Variants in STXBP4 observed in about 807,000 individuals in gnomAD.
STXBP4 encodes the protein syntaxin-binding protein 4.
In STXBP4, 55 loss-of-function variants were observed where a neutral mutation model predicts 76.1. That is an observed-to-expected ratio of 0.72 (90% CI 0.58 to 0.91). STXBP4 has a LOEUF of 0.91. STXBP4 is among the 40% of genes least tolerant of loss of function. The pLI is 0.00. For missense variants in STXBP4, 618 were observed against 636.9 expected (o/e 0.97, Z 0.32); for synonymous variants, 201 against 220.2 (o/e 0.91, Z 0.77).
Position 55,081,090 on chromosome 17 carries a change from C to T in STXBP4, c.1396C>T (p.Pro466Ser). The T allele has an allele frequency of 1.3e-6, 2 of 1,550,650 alleles. No individual in the cohort carries two copies. The highest frequency in any genetic ancestry group is 1.7e-6 in the Non-Finnish European group (2 of 1,154,692). ...GTTAGCTTCTCAGACTTCCCTCACA[C>T]CACTGGGAAGGAATGGACGTAGCAT... is the stretch of plus-strand genomic sequence containing the variant. ...AVLASQTSLT[P>S]LGRNGRSIPA... The change falls in exon 16 of 18, where the codon CCA (proline) becomes TCA (serine). Residue 466 changes from proline to serine, a missense_variant. Pro to Ser is a moderately conservative substitution (Grantham distance 74). Transcript: ENST00000376352.
At chr17:55,186,895 A>C in the STXBP4 span, among the ~76,000 whole-genome samples, 3 of 152,182 alleles carry the variant, frequency 2.0e-5, no homozygotes, top group Non-Finnish European at 4.4e-5. Flanking sequence ...CCAACAAAAG[A>C]GACAGCAAGC....
chr17:55,179,478 G>A, the STXBP4 span, among the ~76,000 whole-genome samples: 2 of 152,042 alleles, frequency 1.3e-5, no homozygotes, highest in Non-Finnish European at 2.9e-5. Context: ...ATATAAAACT[G>A]AACAAAAATG....
chr17:54,990,527 C>G (rs550751184), intron 3 of STXBP4, among the ~76,000 whole-genome samples: 9 of 152,038 alleles, frequency 5.9e-5, no homozygotes, highest in Non-Finnish European at 1.3e-4. Context: ...TCAGGGCTCC[C>G]CCTGATTCTA....
At chr17:55,010,928 A>C (rs916202821) in intron 8 of STXBP4, among the ~76,000 whole-genome samples, 1 of 152,212 alleles carries the variant, frequency 6.6e-6, no homozygotes, top group Admixed American at 6.5e-5. Flanking sequence ...AGATGACCTT[A>C]GTCATTTAAT....
intron 8 of STXBP4, among the ~76,000 whole-genome samples, chr17:55,011,229 AT>A (rs2078102899): frequency 6.6e-6 from 1 of 151,888 alleles, no homozygotes; most frequent in Non-Finnish European, 1.5e-5. Flanking sequence ...CTTTATTTGC[AT>A]TATTTTTTTT....
chr17:55,091,334 T>C (rs2079411163), intron 16 of STXBP4, among the ~76,000 whole-genome samples: 1 of 152,204 alleles, frequency 6.6e-6, no homozygotes, highest in Non-Finnish European at 1.5e-5. Context: ...ATATTCTCAC[T>C]CAATAATCCC....
chr17:55,054,340 T>A (rs1024806322), intron 12 of STXBP4, among the ~76,000 whole-genome samples: 21 of 152,058 alleles, frequency 1.4e-4, no homozygotes, highest in African/African-American at 4.3e-4. Flanking sequence ...TACAAAAAAA[T>A]TCGCTGGGCA....
At chr17:55,184,173 T>A in the STXBP4 span, among the ~76,000 whole-genome samples, 4 of 152,230 alleles carry the variant, frequency 2.6e-5, no homozygotes, top group Non-Finnish European at 5.9e-5. Context: ...TGTATAACTT[T>A]TATTACTTTT....
chr17:55,191,081 T>C, the STXBP4 span, among the ~76,000 whole-genome samples: 6 of 152,306 alleles, frequency 3.9e-5, no homozygotes, highest in Admixed American at 3.9e-4. Flanking sequence ...TCCAATTTTA[T>C]TGGTTCTTCC....
chr17:55,012,032 G>A (rs1210831789), intron 8 of STXBP4, among the ~76,000 whole-genome samples: 1 of 152,182 alleles, frequency 6.6e-6, no homozygotes, highest in African/African-American at 2.4e-5. Context: ...GTAGATCTTA[G>A]TCATGGACTG....
chr17:55,144,826 T>C (rs1049198082), intron 17 of STXBP4, among the ~76,000 whole-genome samples: 1 of 152,240 alleles, frequency 6.6e-6, no homozygotes, highest in Non-Finnish European at 1.5e-5. Flanking sequence ...AATGACACTG[T>C]CTACACAAAA....
chr17:55,049,619 A>G (rs2078833871), intron 12 of STXBP4, among the ~76,000 whole-genome samples: 1 of 151,986 alleles, frequency 6.6e-6, no homozygotes, highest in Admixed American at 6.6e-5. Context: ...CTTCATAAAC[A>G]CCAAAAAGAA....
intron 16 of STXBP4, among the ~76,000 whole-genome samples, chr17:55,129,417 CA>C (rs879656411): frequency 2.0e-5 from 3 of 149,806 alleles, no homozygotes; most frequent in African/African-American, 2.4e-5. Flanking sequence ...AATCCCATGA[CA>C]AAAAAAAATA....
chr17:55,144,403 A>G (rs990468590), intron 17 of STXBP4, among the ~76,000 whole-genome samples: 3 of 152,158 alleles, frequency 2.0e-5, no homozygotes, highest in Admixed American at 1.3e-4. Context: ...TATGTTACAC[A>G]CTTCCCTGAC....
intron 8 of STXBP4, among the ~76,000 whole-genome samples, chr17:55,008,789 T>A (rs995313092): frequency 6.6e-6 from 1 of 151,972 alleles, no homozygotes. Flanking sequence ...TTAATCTACT[T>A]TTAGGGGAGG....
Position 55,170,410 on chromosome 17 carries a change from G to A in STXBP4, c.*10499G>A, listed in dbSNP as rs901374227. 3 of 151,976 alleles carry A rather than the reference G, an allele frequency of 2.0e-5. No individual in the cohort carries two copies. Among genetic ancestry groups the A allele is most frequent in the African/African-American group, 7.2e-5 (3 of 41,476 alleles). 9.4% of individuals were successfully genotyped at this position (151,976 alleles called of 1,614,324 possible). On this transcript the variant is annotated 3_prime_UTR_variant, in exon 18 of 18. Coordinates refer to ENST00000376352, the MANE Select transcript of STXBP4 (RefSeq NM_178509.6). ...TATACAATATAAAACCAACAGTATTGTATATATAAACACCATAGAAGATCT... is the reference window on the plus strand; with the variant it reads ...TATACAATATAAAACCAACAGTATTATATATATAAACACCATAGAAGATCT...
At chr17:55,179,770 G>C in the STXBP4 span, among the ~76,000 whole-genome samples, 1 of 151,932 alleles carries the variant, frequency 6.6e-6, no homozygotes, top group Non-Finnish European at 1.5e-5. Context: ...TTATTTTGTT[G>C]TAAGAATATA....
the STXBP4 span, among the ~76,000 whole-genome samples, chr17:55,179,659 A>G: frequency 5.3e-5 from 8 of 152,120 alleles, no homozygotes; most frequent in Admixed American, 3.9e-4. Flanking sequence ...ATTCAATATG[A>G]AGATGATGAA....
intron 16 of STXBP4, among the ~76,000 whole-genome samples, chr17:55,128,904 T>G: frequency 6.8e-6 from 1 of 147,568 alleles, no homozygotes; most frequent in Non-Finnish European, 1.5e-5. Context: ...TGTGAGCCAC[T>G]GCGTCCAGCC....
Sources: allele counts gnomAD v4.1 joint callset (sites outside exome capture counted in the v4.1 genomes callset), GRCh38; gene constraint gnomAD v4.1.1; transcripts MANE v1.5; gene names NCBI Gene and HGNC (gene_info 2026-07-23, HGNC 2026-07-21).